Variants in UTY observed in about 807,000 individuals in gnomAD.
UTY encodes the protein ubiquitously transcribed tetratricopeptide repeat containing, Y-linked, also known as histone demethylase UTY.
Under a neutral mutation model 32.5 loss-of-function variants are expected in UTY, and 12 were observed. The observed-to-expected ratio is 0.37, with a 90% CI of 0.24 to 0.60. The LOEUF is 0.60. Ranked by LOEUF, UTY falls within the 20% of genes least tolerant of loss-of-function variation. The pLI, the probability that UTY is intolerant of heterozygous loss-of-function variation, is 0.69. For missense variants in UTY, 303 were observed against 299.2 expected, an observed-to-expected ratio of 1.01 and a Z score of -0.09; for synonymous variants, 131 against 103.4, an observed-to-expected ratio of 1.27 and a Z score of -1.62.
chrY:13,311,455 C>T (rs2059074789), intron 21 of UTY, among the ~76,000 whole-genome samples: 1 of 30,635 alleles, frequency 3.3e-5, no homozygotes. Context: ...ATTAGCCGGG[C>T]GTGGTAGCGG....
At chrY:13,421,063 A>C in intron 4 of UTY, among the ~76,000 whole-genome samples, 1 of 33,579 alleles carries the variant, frequency 3.0e-5, no homozygotes, top group Non-Finnish European at 7.4e-5. Context: ...AAGTGGGCAA[A>C]GGACATAAAG....
chrY:13,251,226 G>C (rs1350439754), intron 28 of UTY, 39 bp from the exon 29 acceptor site: 1 of 279,284 alleles, frequency 3.6e-6, no homozygotes, highest in Non-Finnish European at 5.0e-6. Context: ...GTATTGGACA[G>C]TGATATCTGA....
chrY:13,356,402 G>C (rs2062930324), intron 15 of UTY, among the ~76,000 whole-genome samples: 1 of 30,559 alleles, frequency 3.3e-5, no homozygotes, highest in African/African-American at 1.3e-4. Flanking sequence ...TGATCCGCCT[G>C]CCTTGGCCTC....
intron 27 of UTY, among the ~76,000 whole-genome samples, chrY:13,262,533 G>A: frequency 3.3e-5 from 1 of 30,409 alleles, no homozygotes; most frequent in Non-Finnish European, 7.9e-5. Context: ...CAAATAATGA[G>A]GGTTAGTTTT....
intron 8 of UTY, among the ~76,000 whole-genome samples, chrY:13,391,943 G>A: frequency 3.0e-5 from 1 of 33,297 alleles, no homozygotes; most frequent in African/African-American, 1.2e-4. Context: ...AGGCTGAAGC[G>A]TGAGGATCAC....
intron 27 of UTY, among the ~76,000 whole-genome samples, chrY:13,275,252 T>G: frequency 3.0e-5 from 1 of 33,640 alleles, no homozygotes; most frequent in African/African-American, 1.2e-4. Flanking sequence ...TAAAAATGCA[T>G]CTTAATATAG....
chrY:13,438,062 G>T, intron 4 of UTY, among the ~76,000 whole-genome samples: 1 of 33,033 alleles, frequency 3.0e-5, no homozygotes, highest in Non-Finnish European at 7.5e-5. Context: ...CTCCCTACAG[G>T]TACCACAGGG....
downstream of UTY, among the ~76,000 whole-genome samples, chrY:13,247,301 A>G (rs2053960851): frequency 3.0e-5 from 1 of 33,420 alleles, no homozygotes. Context: ...AACTAGTGAT[A>G]TATTTGATTT....
At chrY:13,251,955 C>T (rs2054198558) in intron 28 of UTY, among the ~76,000 whole-genome samples, 4 of 30,405 alleles carry the variant, frequency 1.3e-4, no homozygotes, top group African/African-American at 5.2e-4. Context: ...CCGAGGCGGG[C>T]GGATCACGAG....
intron 17 of UTY, among the ~76,000 whole-genome samples, chrY:13,337,658 C>T (rs2061177946): frequency 3.0e-5 from 1 of 33,312 alleles, no homozygotes; most frequent in African/African-American, 1.2e-4. Flanking sequence ...TTACATTTAC[C>T]TATTTTTAAA....
Position 13,479,567 on chromosome Y carries a change from C to G in UTY, c.99G>C (p.Glu33Asp), listed in dbSNP as rs9341275. The change falls in exon 1 of 30, where the codon GAG (glutamate) becomes GAC (aspartate). Residue 33 changes from glutamate (E) to aspartate (D), a missense_variant. Transcript: ENST00000545955. ...CCTCGACTGTCAGGCTAACAGACTCCTCTTCACTCTCGCGGCTCGCTTTTC... is the reference window on the plus strand; with the variant it reads ...CCTCGACTGTCAGGCTAACAGACTCGTCTTCACTCTCGCGGCTCGCTTTTC... ...AEGKASRESE[E>D]ESVSLTVEER... 1.8e-5 allele frequency: 7 copies of G among 398,808 alleles called. No individual in the cohort carries two copies. The highest frequency in any genetic ancestry group is 2.5e-5 in the Non-Finnish European group (7 of 283,637).
At chrY:13,416,917 G>A (rs1018201342) in intron 4 of UTY, among the ~76,000 whole-genome samples, 24 of 33,630 alleles carry the variant, frequency 7.1e-4, no homozygotes, top group African/African-American at 2.0e-3. Context: ...AAATATTTAC[G>A]AAACCAATCA....
intron 18 of UTY, among the ~76,000 whole-genome samples, chrY:13,327,965 C>T (rs2060380031): frequency 3.0e-5 from 1 of 33,820 alleles, no homozygotes; most frequent in African/African-American, 1.2e-4. Flanking sequence ...CGGTGGCTCA[C>T]GCCCGTAATC....
chrY:13,400,743 GA>G (rs2068872341), intron 6 of UTY, among the ~76,000 whole-genome samples: 1 of 30,304 alleles, frequency 3.3e-5, no homozygotes, highest in Non-Finnish European at 7.9e-5. Flanking sequence ...AACAATTGCA[GA>G]CACTGGAAAT....
In UTY at chrY:13,479,291, T is replaced by A. The variant is rs796351897; in HGVS notation, c.179A>T (p.His60Leu). The A allele has an allele frequency of 1.0e-5, 4 of 398,644 alleles. No individual in the cohort carries two copies. Among genetic ancestry groups the A allele is most frequent in the Non-Finnish European group, 1.4e-5 (4 of 283,487 alleles). The change falls in exon 2 of 30, where the codon CAT becomes CTT. Residue 60 changes from histidine to leucine, a missense_variant. Transcript: ENST00000545955. The part of the protein sequence containing the change: ...DSRLFGFVRL[H>L]EDGARTKTLL... ...GGTCTTCGTTCTGGCGCCATCTTCA[T>A]GAAGCCTCACGAACCCGAAGAGACG...
At chrY:13,345,105 G>A in intron 17 of UTY, among the ~76,000 whole-genome samples, 1 of 33,177 alleles carries the variant, frequency 3.0e-5, no homozygotes, top group Non-Finnish European at 7.4e-5. Flanking sequence ...ACCCAACCAC[G>A]TTAGGGCCTT....
At chrY:13,415,020 C>T (rs2071511531) in intron 4 of UTY, among the ~76,000 whole-genome samples, 1 of 29,058 alleles carries the variant, frequency 3.4e-5, no homozygotes, top group Non-Finnish European at 8.1e-5. Flanking sequence ...TTTTAATGCA[C>T]AGCATCACCC....
At chrY:13,429,144 T>C (rs2073707002) in intron 4 of UTY, among the ~76,000 whole-genome samples, 1 of 33,805 alleles carries the variant, frequency 3.0e-5, no homozygotes, top group African/African-American at 1.2e-4. Context: ...CTTTTCCAAT[T>C]TGTATATCTT....
intron 28 of UTY, among the ~76,000 whole-genome samples, chrY:13,253,518 T>G: frequency 3.0e-5 from 1 of 33,125 alleles, no homozygotes; most frequent in Non-Finnish European, 7.4e-5. Flanking sequence ...TATAGAGGCT[T>G]GGCAGTTCCC....
Sources: allele counts gnomAD v4.1 joint callset (sites outside exome capture counted in the v4.1 genomes callset), GRCh38; gene constraint gnomAD v4.1.1; transcripts MANE v1.5; gene names NCBI Gene and HGNC (gene_info 2026-07-23, HGNC 2026-07-21).